The following ENOX2 variants were observed in gnomAD, a reference collection of about 807,000 sequenced individuals.
ENOX2 encodes APK1 antigen.
ENOX2 carries 36 observed loss-of-function variants against 45.0 expected under a neutral mutation model. The ratio of observed to expected loss-of-function variants is 0.80; its 90% CI spans 0.61 to 1.06. The LOEUF (loss-of-function observed/expected upper bound fraction) is 1.06. Among genes scored for constraint, ENOX2 ranks in the 50% least tolerant of loss-of-function variants. The pLI is 0.00. For synonymous variants in ENOX2, 174 were observed against 152.3 expected (o/e 1.14, Z -1.05); for missense variants, 423 against 462.5 (o/e 0.91, Z 0.78).
At chrX:130,733,546 A>C (rs188805826) in intron 3 of ENOX2, among the ~76,000 whole-genome samples, 301 of 112,380 alleles carry the variant, frequency 2.7e-3, no homozygotes, top group Non-Finnish European at 4.4e-3. Context: ...TAATAGCAAA[A>C]AACTGGGAGA....
chrX:130,809,745 G>A (rs181021780), intron 2 of ENOX2, among the ~76,000 whole-genome samples: 12 of 108,480 alleles, frequency 1.1e-4, no homozygotes, highest in Admixed American at 4.9e-4. Flanking sequence ...AATGTGTGTC[G>A]TGTGTGTGTG....
chrX:130,763,355 TA>T (rs1298285746), intron 3 of ENOX2, among the ~76,000 whole-genome samples: 1 of 111,389 alleles, frequency 9.0e-6, no homozygotes, highest in Non-Finnish European at 1.9e-5. Flanking sequence ...AGCTCCCCAG[TA>T]GTCTCCAATG....
At chrX:130,892,735 T>G (rs1377327244) in intron 2 of ENOX2, among the ~76,000 whole-genome samples, 5 of 112,914 alleles carry the variant, frequency 4.4e-5, no homozygotes. Context: ...ACTAGAGTTT[T>G]GGCAACACAG....
chrX:130,854,855 A>C (rs2078279025), intron 2 of ENOX2, among the ~76,000 whole-genome samples: 1 of 111,961 alleles, frequency 8.9e-6, no homozygotes, highest in Non-Finnish European at 1.9e-5. Context: ...GCATTTAAAA[A>C]TTCAGCAGTG....
At chrX:130,636,378 C>T (rs1258461130) in intron 11 of ENOX2, among the ~76,000 whole-genome samples, 3 of 112,392 alleles carry the variant, frequency 2.7e-5, no homozygotes, top group African/African-American at 9.7e-5. Context: ...TAATTTCCAA[C>T]CAGCAATTAG....
chrX:130,900,683 C>T (rs1054851464), intron 2 of ENOX2, among the ~76,000 whole-genome samples: 3 of 112,228 alleles, frequency 2.7e-5, no homozygotes, highest in African/African-American at 9.7e-5. Flanking sequence ...GGGGCAAACT[C>T]ACTATCCTTC....
chrX:130,880,007 C>A (rs778562029), intron 2 of ENOX2, among the ~76,000 whole-genome samples: 1 of 111,823 alleles, frequency 8.9e-6, no homozygotes, highest in East Asian at 2.8e-4. Context: ...CAGAGTGCTC[C>A]AGGGTGGCCC....
chrX:130,753,898 T>G (rs1029959858), intron 3 of ENOX2, among the ~76,000 whole-genome samples: 2 of 111,199 alleles, frequency 1.8e-5, no homozygotes, highest in Non-Finnish European at 3.8e-5. Context: ...CTGGATCATA[T>G]GGAAAGGGGT....
At chrX:130,666,521 T>C (rs2036836570) in intron 8 of ENOX2, among the ~76,000 whole-genome samples, 1 of 111,717 alleles carries the variant, frequency 9.0e-6, no homozygotes, top group South Asian at 3.8e-4. Flanking sequence ...TCTGGTTGGG[T>C]GTTCACAGTA....
chrX:130,843,001 C>T (rs1333686086), intron 2 of ENOX2, among the ~76,000 whole-genome samples: 1 of 111,002 alleles, frequency 9.0e-6, no homozygotes, highest in Non-Finnish European at 1.9e-5. Context: ...GAGTTTTAGG[C>T]AAAGTCAAGT....
At chrX:130,762,363 C>T (rs1383587618) in intron 3 of ENOX2, among the ~76,000 whole-genome samples, 2 of 111,861 alleles carry the variant, frequency 1.8e-5, no homozygotes, top group Non-Finnish European at 3.8e-5. Context: ...TCACTTGAGG[C>T]CAGGACTTTG....
At chrX:130,835,573 C>A (rs1419748367) in intron 2 of ENOX2, among the ~76,000 whole-genome samples, 1 of 110,970 alleles carries the variant, frequency 9.0e-6, no homozygotes, top group Non-Finnish European at 1.9e-5. Context: ...TAGGTAAATT[C>A]TACACGAATT....
At chrX:130,693,492 G>C (rs1247896245) in intron 4 of ENOX2, among the ~76,000 whole-genome samples, 3 of 112,049 alleles carry the variant, frequency 2.7e-5, no homozygotes, top group African/African-American at 9.7e-5. Context: ...GTAAGAGGCA[G>C]ACCTAGAATT....
At chrX:130,721,433 G>A (rs1056756655) in intron 3 of ENOX2, among the ~76,000 whole-genome samples, 3 of 112,247 alleles carry the variant, frequency 2.7e-5, no homozygotes, top group Non-Finnish European at 5.6e-5. Flanking sequence ...TCTGCAGGGA[G>A]GGCTTGAACT....
intron 3 of ENOX2, among the ~76,000 whole-genome samples, chrX:130,731,201 G>A (rs901475159): frequency 1.8e-5 from 2 of 112,032 alleles, no homozygotes; most frequent in Non-Finnish European, 3.8e-5. Flanking sequence ...GGTAATAATA[G>A]TATGTGCATT....
At chrX:130,732,243 T>C (rs1280131046) in intron 3 of ENOX2, among the ~76,000 whole-genome samples, 1 of 112,073 alleles carries the variant, frequency 8.9e-6, no homozygotes, top group East Asian at 2.8e-4. Context: ...AAACAATTCC[T>C]ATTAATAATA....
intron 3 of ENOX2, among the ~76,000 whole-genome samples, chrX:130,744,324 G>A (rs757192912): frequency 5.4e-5 from 6 of 111,699 alleles, no homozygotes; most frequent in African/African-American, 1.6e-4. Flanking sequence ...TAAATATTAC[G>A]AGCTGATGGT....
intron 2 of ENOX2, among the ~76,000 whole-genome samples, chrX:130,833,600 G>A (rs905883708): frequency 2.2e-4 from 25 of 111,368 alleles, no homozygotes; most frequent in African/African-American, 8.2e-4. Flanking sequence ...CTTTGGGGAT[G>A]CCTGACTTTA....
intron 8 of ENOX2, among the ~76,000 whole-genome samples, chrX:130,666,671 G>A (rs550545046): frequency 9.0e-6 from 1 of 111,365 alleles, no homozygotes; most frequent in African/African-American, 3.3e-5. Flanking sequence ...GAAGACATGT[G>A]CTTTTGCCTC....
Sources: gnomAD v4.1 joint callset for allele counts (sites outside exome capture counted in the v4.1 genomes callset) on GRCh38, gnomAD v4.1.1 for gene constraint, MANE v1.5 for transcripts, NCBI Gene and HGNC (gene_info 2026-07-23, HGNC 2026-07-21) for gene names.